KIF6: variants seen among roughly 807,000 people sequenced by gnomAD.
The protein encoded by KIF6 is kinesin family member 6.
Under a neutral mutation model 112.7 loss-of-function variants are expected in KIF6, and 106 were observed. The ratio of observed to expected loss-of-function variants is 0.94; its 90% CI spans 0.80 to 1.11. The LOEUF (loss-of-function observed/expected upper bound fraction) is 1.11. KIF6 is among the 50% of genes least tolerant of loss of function. KIF6 has a pLI of 0.00. For missense variants in KIF6, 929 were observed against 964.0 expected (o/e 0.96, Z 0.48); for synonymous variants, 339 against 339.9 (o/e 1.00, Z 0.03).
chr6:39,494,011 TAAG>T (rs1258230078), intron 13 of KIF6, among the ~76,000 whole-genome samples: 1 of 152,354 alleles, frequency 6.6e-6, no homozygotes, highest in Non-Finnish European at 1.5e-5. Context: ...CCAAGAACAT[TAAG>T]AAGTTTCTTG....
chr6:39,357,122 C>A (rs1764757163), intron 19 of KIF6, among the ~76,000 whole-genome samples, 155 bp downstream of exon 19: 1 of 152,178 alleles, frequency 6.6e-6, no homozygotes. Flanking sequence ...AAGCCACTGT[C>A]TTGAGTATCT....
At chr6:39,620,152 T>C (rs972558143) in intron 5 of KIF6, among the ~76,000 whole-genome samples, 1 of 152,244 alleles carries the variant, frequency 6.6e-6, no homozygotes, top group Non-Finnish European at 1.5e-5. Context: ...AGCCATATCA[T>C]GTTCCTTCTG....
chr6:39,547,572 T>A (rs1018783859), intron 10 of KIF6, among the ~76,000 whole-genome samples: 9 of 152,180 alleles, frequency 5.9e-5, no homozygotes, highest in South Asian at 2.1e-4. Flanking sequence ...CACCTTTTTT[T>A]AAAAAAATTT....
chr6:39,699,036 C>T (rs1038649627), intron 3 of KIF6, among the ~76,000 whole-genome samples: 3 of 152,120 alleles, frequency 2.0e-5, no homozygotes, highest in African/African-American at 7.2e-5. Context: ...GGCTTCATTC[C>T]ACACATATTT....
At chr6:39,400,290 C>A (rs1562176705) in intron 15 of KIF6, among the ~76,000 whole-genome samples, 1 of 152,150 alleles carries the variant, frequency 6.6e-6, no homozygotes, top group Non-Finnish European at 1.5e-5. Flanking sequence ...GAAAGCTGTG[C>A]AAACTGGAAA....
intron 13 of KIF6, among the ~76,000 whole-genome samples, chr6:39,484,900 C>T (rs976806785): frequency 2.0e-5 from 3 of 152,118 alleles, no homozygotes; most frequent in South Asian, 2.1e-4. Flanking sequence ...GGTTTGCCTC[C>T]CCCAGGGAAG....
At chr6:39,561,357 A>ATT (rs34960051) in intron 10 of KIF6, among the ~76,000 whole-genome samples, 67 of 147,678 alleles carry the variant, frequency 4.5e-4, no homozygotes, top group African/African-American at 1.2e-3. Context: ...AACTCAAACC[A>ATT]TTTTTTTTTT....
chr6:39,480,516 T>G (rs967928779), intron 13 of KIF6, among the ~76,000 whole-genome samples: 1 of 151,094 alleles, frequency 6.6e-6, no homozygotes, highest in Non-Finnish European at 1.5e-5. Context: ...GAAGTTTTCT[T>G]TTTTTTTTGC....
chr6:39,688,333 C>G (rs989797066), intron 3 of KIF6, among the ~76,000 whole-genome samples: 3 of 152,056 alleles, frequency 2.0e-5, no homozygotes, highest in Non-Finnish European at 2.9e-5. Flanking sequence ...CTCTTCATGG[C>G]AGGGCAAATG....
intron 21 of KIF6, among the ~76,000 whole-genome samples, chr6:39,345,178 C>T (rs1216420901): frequency 6.6e-6 from 1 of 152,228 alleles, no homozygotes; most frequent in African/African-American, 2.4e-5. Flanking sequence ...GCCATTCCCG[C>T]AGGTAGTTTG....
At chr6:39,364,461 G>C (rs553877134) in intron 16 of KIF6, among the ~76,000 whole-genome samples, 3 of 152,068 alleles carry the variant, frequency 2.0e-5, no homozygotes, top group Non-Finnish European at 4.4e-5. Flanking sequence ...TCCCTCACCT[G>C]AAGTCTCAGT....
intron 3 of KIF6, among the ~76,000 whole-genome samples, chr6:39,666,333 G>A (rs559763615): frequency 1.3e-5 from 2 of 152,200 alleles, no homozygotes; most frequent in East Asian, 3.9e-4. Context: ...GTTTTTTCCA[G>A]TCATTAGTAC....
At chr6:39,406,085 C>T (rs551940186) in intron 15 of KIF6, among the ~76,000 whole-genome samples, 4 of 152,108 alleles carry the variant, frequency 2.6e-5, no homozygotes, top group East Asian at 1.9e-4. Flanking sequence ...TGCAGTGGTG[C>T]GATTTCAGCT....
chr6:39,705,348 G>A (rs1197582409), intron 3 of KIF6, among the ~76,000 whole-genome samples: 2 of 152,172 alleles, frequency 1.3e-5, no homozygotes, highest in Non-Finnish European at 2.9e-5. Context: ...AAAAGAGCAG[G>A]TGTCTATATA....
At position 39,336,617 on chromosome 6, in the gene KIF6, C is replaced by T. The variant is rs114390039; in HGVS notation, c.2429-69G>A. 1,119 of 1,483,782 alleles carry T rather than the reference C, an allele frequency of 7.5e-4. 4 individuals carry two copies. The African/African-American group carries it at 0.013, about 17-fold the overall frequency. 91.9% of individuals were successfully genotyped at this position (1,483,782 alleles called of 1,614,324 possible). A position where few individuals can be genotyped will look rare whatever the true frequency, so the allele number is the denominator to read the frequency against. ...ACACTGACTTTTCCCAGGATTGAAT[C>T]GGGGGGAGGGGAGGCCACCAGCCAC... On this transcript the variant is annotated intron_variant, in intron 22 of 22. Transcript: ENST00000287152.
At chr6:39,481,958 G>T (rs2150458688) in intron 13 of KIF6, among the ~76,000 whole-genome samples, 1 of 151,094 alleles carries the variant, frequency 6.6e-6, no homozygotes, top group Admixed American at 6.6e-5. Context: ...CTCAGATTCT[G>T]CAATAAAACC....
intron 13 of KIF6, among the ~76,000 whole-genome samples, chr6:39,455,516 T>C (rs1398085902): frequency 1.3e-5 from 2 of 152,156 alleles, no homozygotes; most frequent in African/African-American, 2.4e-5. Context: ...CAAAGCTGGA[T>C]GGAGAATGAT....
intron 20 of KIF6, among the ~76,000 whole-genome samples, chr6:39,346,059 T>C (rs1216311079): frequency 2.6e-4 from 4 of 15,170 alleles, no homozygotes; most frequent in African/African-American, 1.4e-3. Flanking sequence ...GCTCTCTCTC[T>C]CTCTCTCTCT....
intron 7 of KIF6, among the ~76,000 whole-genome samples, chr6:39,594,391 C>T (rs1156958234): frequency 6.6e-6 from 1 of 152,180 alleles, no homozygotes; most frequent in Non-Finnish European, 1.5e-5. Context: ...ACTTTGAATA[C>T]AGTCCATTAT....
Sources: allele counts gnomAD v4.1 joint callset (sites outside exome capture counted in the v4.1 genomes callset), GRCh38; gene constraint gnomAD v4.1.1; transcripts MANE v1.5; gene names NCBI Gene and HGNC (gene_info 2026-07-23, HGNC 2026-07-21).